The following VWDE variants were observed in gnomAD, a reference collection of about 807,000 sequenced individuals.
The protein encoded by VWDE is von Willebrand factor D and EGF domain-containing protein.
In VWDE, 207 loss-of-function variants were observed where a neutral mutation model predicts 178.4. The ratio of observed to expected loss-of-function variants is 1.16; its 90% confidence interval spans 1.04 to 1.30. VWDE has a LOEUF of 1.30. Among genes scored for constraint, VWDE ranks in the 50% most tolerant of loss-of-function variants. VWDE has a pLI of 0.00. For missense variants in VWDE, 2,287 were observed against 1,901.3 expected (o/e 1.20, Z -3.77); for synonymous variants, 738 against 651.4 (o/e 1.13, Z -2.02).
rs1784260179 is a variant in VWDE at position 12,389,284 on chromosome 7, CT to C, written c.317del (p.Glu106GlyfsTer5). 2 of 1,551,676 alleles carry C rather than the reference CT, an allele frequency of 1.3e-6. No individual in the cohort carries two copies. Among genetic ancestry groups the C allele is most frequent in the Non-Finnish European group, 1.7e-6 (2 of 1,146,990 alleles). ...RDSETLPSPG[E>X]IKQLTACATW... Reference sequence around the variant, plus strand: ...TTGCACAAGCTGTCAATTGCTTGATCTCCCCAGGAGATGGCAGTGTTTCTGA... The same window carrying C: ...TTGCACAAGCTGTCAATTGCTTGATCCCCCAGGAGATGGCAGTGTTTCTGA... On this transcript the variant is annotated frameshift_variant, in exon 3 of 29. Coordinates refer to ENST00000275358, the MANE Select transcript of VWDE (RefSeq NM_001135924.3). LOFTEE classifies it high-confidence loss of function.
At position 12,357,629 on chromosome 7, in the gene VWDE, G is replaced by T. The variant is rs1280888566; in HGVS notation, c.3275-114C>A. On this transcript the variant is annotated intron_variant, in intron 16 of 28. Coordinates refer to ENST00000275358, the MANE Select transcript of VWDE (RefSeq NM_001135924.3). ...GATAAAGACTGAACTCTGCTAAAAG[G>T]TCTATTAGCTGCTTTCATTTTTTTT... 5.1e-6 allele frequency: 6 copies of T among 1,180,672 alleles called. No homozygotes were observed. The African/African-American group carries it at 7.8e-5, about 15-fold the overall frequency. 73.1% of individuals were successfully genotyped at this position (1,180,672 alleles called of 1,614,324 possible).
At chr7:12,372,507 T>C (rs1783261781) in intron 10 of VWDE, among the ~76,000 whole-genome samples, 1 of 152,010 alleles carries the variant, frequency 6.6e-6, no homozygotes. Context: ...AAGTATAATC[T>C]TTAAAAAAAT....
In VWDE at chr7:12,370,117, T is replaced by C. The variant is rs1311389140; in HGVS notation, c.2189A>G (p.Lys730Arg). ...GTGGCTTCCCCGGCCTTGTGTATAT[T>C]TCTTATTGGCCAAATATTGTAGTGA... Reference protein sequence around the residue: ...EDSLQYLANKKYTQGRGSHSQ... With the variant: ...EDSLQYLANKRYTQGRGSHSQ... Residue 730 changes from lysine (K) to arginine (R), a missense_variant, in exon 12 of 29, where the codon AAA (lysine) becomes AGA (arginine). Coordinates refer to ENST00000275358, the MANE Select transcript of VWDE (RefSeq NM_001135924.3). The C allele has an allele frequency of 1.7e-5, 27 of 1,551,600 alleles. No homozygotes were observed. The highest frequency in any genetic ancestry group is 2.2e-5 in the Non-Finnish European group (25 of 1,146,910).
rs759644738 is a variant in VWDE at position 12,374,971 on chromosome 7, A to C, written c.1242+39T>G. 14 of 1,514,270 alleles carry C rather than the reference A, an allele frequency of 9.2e-6. No homozygotes were observed. The South Asian group carries it at 1.7e-4, about 18-fold the overall frequency. The allele number at this position is 1,514,270 out of a possible 1,614,324, so 93.8% of individuals were successfully genotyped here. A position where few individuals can be genotyped will look rare whatever the true frequency, so the allele number is the denominator to read the frequency against. On this transcript the variant is annotated intron_variant, in intron 8 of 28. Transcript: ENST00000275358. ...AATGATAAAATACACATTTCTTCTT[A>C]AAGCTTCACTTGCAGTATTAGTGTT...
intron 12 of VWDE, 97 bp from the exon 13 acceptor site, chr7:12,367,590 A>G (rs1782932790): frequency 1.8e-6 from 2 of 1,085,854 alleles, no homozygotes; most frequent in Non-Finnish European, 1.3e-6. Context: ...CATATGGAAA[A>G]TAATATTTTA....
At position 12,369,923 on chromosome 7, in the gene VWDE, AAG is replaced by A; in HGVS notation, c.2381_2382del (p.Ser794LeufsTer11). ...TCGGTGAGGCCAGAGGGAGTGGGCC[AAG>A]AGGGGAAAAACTCTTGCTGTACATC... ...AEDVQQEFFP[S>X]WPTPSGLTEY... On this transcript the variant is annotated frameshift_variant, in exon 12 of 29. Transcript: ENST00000275358. LOFTEE classifies it high-confidence loss of function. 1 of 1,551,502 alleles carries A rather than the reference AAG, an allele frequency of 6.4e-7. No homozygotes were observed. The highest frequency in any genetic ancestry group is 8.7e-7 in the Non-Finnish European group (1 of 1,146,890).
intron 3 of VWDE, among the ~76,000 whole-genome samples, chr7:12,384,579 G>T (rs898450068): frequency 1.3e-5 from 2 of 152,036 alleles, no homozygotes; most frequent in African/African-American, 2.4e-5. Context: ...CAATGGGGTT[G>T]GGGGACTATG....
In VWDE at chr7:12,369,859, T is replaced by C. The variant is rs1375757973; in HGVS notation, c.2447A>G (p.Asn816Ser). ...TLTLCQETLANSSIGRLCLAF... is the reference protein window; with the variant it reads ...TLTLCQETLASSSIGRLCLAF... ...AAGACACAGCCTTCCTATGCTGGAG[T>C]TGGCTAGAGTCTCCTGACAGAGGGT... The change falls in exon 12 of 29, where the codon AAC becomes AGC. Residue 816 changes from asparagine (N) to serine (S), a missense_variant. Transcript: ENST00000275358. 6.4e-7 allele frequency: 1 copy of C among 1,551,326 alleles called. No individual in the cohort carries two copies. The highest frequency in any genetic ancestry group is 8.7e-7 in the Non-Finnish European group (1 of 1,146,848).
chr7:12,381,209 G>A (rs1783837308), intron 4 of VWDE, among the ~76,000 whole-genome samples: 1 of 152,108 alleles, frequency 6.6e-6, no homozygotes, highest in African/African-American at 2.4e-5. Flanking sequence ...TTGCAGAGGT[G>A]ATTATACTAT....
chr7:12,368,354 A>C (rs1782974493), intron 12 of VWDE, among the ~76,000 whole-genome samples: 1 of 151,972 alleles, frequency 6.6e-6, no homozygotes, highest in Admixed American at 6.6e-5. Flanking sequence ...TGTAAGAAAA[A>C]CAAGTCTATT....
intron 1 of VWDE, among the ~76,000 whole-genome samples, chr7:12,400,726 T>C (rs1176127517): frequency 6.6e-6 from 1 of 152,102 alleles, no homozygotes; most frequent in Non-Finnish European, 1.5e-5. Flanking sequence ...CCCATTATCC[T>C]GGCTACCCCG....
chr7:12,345,748 G>T (rs961741880), intron 19 of VWDE, among the ~76,000 whole-genome samples: 3 of 152,126 alleles, frequency 2.0e-5, no homozygotes, highest in Non-Finnish European at 4.4e-5. Context: ...CCCAGACTGA[G>T]ATTTGTACTG....
intron 15 of VWDE, among the ~76,000 whole-genome samples, chr7:12,360,231 G>T (rs1313999762): frequency 6.6e-6 from 1 of 152,106 alleles, no homozygotes; most frequent in Admixed American, 6.6e-5. Context: ...AACATTAAAT[G>T]TAGAAAGTAT....
intron 21 of VWDE, 129 bp from the exon 22 acceptor site, chr7:12,343,307 A>G (rs145620357): frequency 5.4e-5 from 31 of 577,476 alleles, no homozygotes; most frequent in Middle Eastern, 4.7e-4. Context: ...CTCTTTTACT[A>G]CAAAACTTAG....
chr7:12,377,733 G>A, intron 7 of VWDE, 43 bp downstream of exon 7: 10 of 1,252,498 alleles, frequency 8.0e-6, no homozygotes, highest in Non-Finnish European at 1.1e-5. Flanking sequence ...AAGCATTATT[G>A]TTTGCAATCT....
At chr7:12,360,953 AAAATGTT>A (rs1356067284) in intron 15 of VWDE, among the ~76,000 whole-genome samples, 187 bp downstream of exon 15, 2 of 152,136 alleles carry the variant, frequency 1.3e-5, no homozygotes, top group Non-Finnish European at 2.9e-5. Context: ...CTGCCATTTC[AAAATGTT>A]AAAGGTAGGA....
rs780638670 is a variant in VWDE at position 12,393,660 on chromosome 7, G to C, written c.177C>G (p.Leu59=). The C allele has an allele frequency of 9.7e-6, 15 of 1,551,152 alleles. No individual in the cohort carries two copies. Among genetic ancestry groups the C allele is most frequent in the African/African-American group, 1.4e-5 (1 of 73,022 alleles). Residue 59 remains leucine (L), a synonymous_variant, in exon 2 of 29, where the codon CTC becomes CTG. Transcript: ENST00000275358. ...TGAGAAATCTATACCATCCAGGGGAGAGGGAATGGTCACATATTAGGTCTT... is the reference window on the plus strand; with the variant it reads ...TGAGAAATCTATACCATCCAGGGGACAGGGAATGGTCACATATTAGGTCTT... ...AVQDLICDHS[L]SPGWYRFLIL...
At chr7:12,374,890 A>G in intron 8 of VWDE, 120 bp downstream of exon 8, 1 of 1,183,912 alleles carries the variant, frequency 8.4e-7, no homozygotes. Context: ...TGAAAATTGA[A>G]TCATTTAAAA....
intron 14 of VWDE, 56 bp downstream of exon 14, chr7:12,361,310 G>A: frequency 6.5e-7 from 1 of 1,536,336 alleles, no homozygotes; most frequent in Non-Finnish European, 8.8e-7. Flanking sequence ...AATTCATTAT[G>A]AAATGTTAAG....
Sources: gnomAD v4.1 joint callset for allele counts (sites outside exome capture counted in the v4.1 genomes callset) on GRCh38, gnomAD v4.1.1 for gene constraint, MANE v1.5 for transcripts, NCBI Gene and HGNC (gene_info 2026-07-23, HGNC 2026-07-21) for gene names.